Variants in DGKB observed in about 807,000 individuals in gnomAD.
DGKB encodes 90 kDa diacylglycerol kinase.
A neutral mutation model predicts 114.3 loss-of-function variants in DGKB; 67 were observed. That is an observed-to-expected ratio of 0.59 (90% CI 0.48 to 0.72). The LOEUF is 0.72. Ranked by LOEUF, DGKB falls within the 30% of genes least tolerant of loss-of-function variation. DGKB has a pLI of 0.00. For synonymous variants in DGKB, 398 were observed against 323.1 expected (o/e 1.23, Z -2.49); for missense variants, 907 against 975.2 (o/e 0.93, Z 0.93).
intron 6 of DGKB, among the ~76,000 whole-genome samples, chr7:14,710,435 A>G (rs1476319873): frequency 6.6e-6 from 1 of 152,144 alleles, no homozygotes; most frequent in African/African-American, 2.4e-5. Flanking sequence ...GTAGTCTATA[A>G]TAAACAATGA....
At chr7:14,573,937 T>C (rs1462526711) in intron 20 of DGKB, among the ~76,000 whole-genome samples, 4 of 152,128 alleles carry the variant, frequency 2.6e-5, no homozygotes, top group Non-Finnish European at 5.9e-5. Flanking sequence ...TTCATTTTAG[T>C]AACACAAATA....
intron 23 of DGKB, among the ~76,000 whole-genome samples, chr7:14,333,469 A>G (rs1810098243): frequency 6.6e-6 from 1 of 151,906 alleles, no homozygotes; most frequent in Non-Finnish European, 1.5e-5. Context: ...TTAAAAAAAA[A>G]AAAAAAAAAA....
At chr7:14,217,883 T>C (rs1789261783) in intron 23 of DGKB, among the ~76,000 whole-genome samples, 1 of 152,126 alleles carries the variant, frequency 6.6e-6, no homozygotes, top group African/African-American at 2.4e-5. Context: ...GAAGTCTAGA[T>C]GGTGTCCCTC....
intron 21 of DGKB, among the ~76,000 whole-genome samples, chr7:14,366,966 C>T (rs1816779645): frequency 6.6e-6 from 1 of 152,070 alleles, no homozygotes; most frequent in Admixed American, 6.6e-5. Context: ...CATGGCTCAA[C>T]TTGTGATTTT....
chr7:14,519,709 C>G (rs1789428642), intron 20 of DGKB, among the ~76,000 whole-genome samples: 1 of 151,898 alleles, frequency 6.6e-6, no homozygotes, highest in Non-Finnish European at 1.5e-5. Context: ...TACTCACCAA[C>G]ACTGGGTACT....
At chr7:14,150,562 G>C (rs1782039479) in intron 25 of DGKB, among the ~76,000 whole-genome samples, 1 of 152,056 alleles carries the variant, frequency 6.6e-6, no homozygotes, top group Admixed American at 6.6e-5. Context: ...GAAGGATTCA[G>C]TGTTCTCTTT....
chr7:14,285,295 C>G (rs559523102), intron 23 of DGKB, among the ~76,000 whole-genome samples: 2 of 152,140 alleles, frequency 1.3e-5, no homozygotes, highest in South Asian at 2.1e-4. Flanking sequence ...TGTGCAGAGG[C>G]AAGTCACTGA....
intron 21 of DGKB, among the ~76,000 whole-genome samples, chr7:14,429,845 A>G (rs759863558): frequency 4.6e-5 from 7 of 152,074 alleles, no homozygotes; most frequent in African/African-American, 1.7e-4. Context: ...TGCTTGAACC[A>G]GGACCCGGAA....
At chr7:14,177,001 A>G in intron 24 of DGKB, 102 bp from the exon 25 acceptor site, 1 of 1,336,760 alleles carries the variant, frequency 7.5e-7, no homozygotes, top group Non-Finnish European at 1.0e-6. Context: ...CAATATGGTA[A>G]TAGTTGGGCT....
intron 1 of DGKB, among the ~76,000 whole-genome samples, chr7:14,924,454 T>A (rs894495094): frequency 6.6e-6 from 1 of 152,218 alleles, no homozygotes; most frequent in Non-Finnish European, 1.5e-5. Flanking sequence ...AGATTTCCTC[T>A]GTGGTACTTT....
chr7:14,617,397 A>G (rs940528851), intron 15 of DGKB, among the ~76,000 whole-genome samples: 1 of 151,630 alleles, frequency 6.6e-6, no homozygotes, highest in African/African-American at 2.4e-5. Context: ...ATTCATCAGC[A>G]TATCTTTTGC....
intron 19 of DGKB, among the ~76,000 whole-genome samples, chr7:14,575,998 CTCA>C (rs1799065184): frequency 6.6e-6 from 1 of 152,140 alleles, no homozygotes; most frequent in Non-Finnish European, 1.5e-5. Context: ...TCTTCTGGAG[CTCA>C]TCATCACTTC....
chr7:14,407,392 C>T (rs1824113124), intron 21 of DGKB, among the ~76,000 whole-genome samples: 1 of 152,138 alleles, frequency 6.6e-6, no homozygotes, highest in Non-Finnish European at 1.5e-5. Context: ...TGACTATTTT[C>T]AGTTGATCTA....
At chr7:14,932,187 C>T (rs555879137) in intron 1 of DGKB, among the ~76,000 whole-genome samples, 1 of 152,268 alleles carries the variant, frequency 6.6e-6, no homozygotes, top group African/African-American at 2.4e-5. Context: ...GGAAGATGGG[C>T]TGCAGAAAGG....
intron 23 of DGKB, among the ~76,000 whole-genome samples, chr7:14,233,625 T>C (rs1298233789): frequency 6.6e-6 from 1 of 151,994 alleles, no homozygotes; most frequent in Non-Finnish European, 1.5e-5. Flanking sequence ...CTTCTATAAA[T>C]TGCCTAAAGA....
chr7:14,413,931 A>G (rs1003120523), intron 21 of DGKB, among the ~76,000 whole-genome samples: 10 of 152,206 alleles, frequency 6.6e-5, no homozygotes, highest in Admixed American at 2.0e-4. Flanking sequence ...GAGAGATTTG[A>G]GCACATTAAG....
chr7:14,695,154 T>C (rs1202389628), intron 8 of DGKB, among the ~76,000 whole-genome samples: 3 of 152,230 alleles, frequency 2.0e-5, no homozygotes, highest in African/African-American at 7.2e-5. Context: ...CTCTTGTGCT[T>C]GGTGTCTTCA....
At chr7:14,204,147 G>A (rs1786366329) in intron 23 of DGKB, among the ~76,000 whole-genome samples, 1 of 151,898 alleles carries the variant, frequency 6.6e-6, no homozygotes, top group Non-Finnish European at 1.5e-5. Context: ...CTCCATTAAT[G>A]TTTTTCAACA....
chr7:14,629,448 C>T (rs1024926617), intron 14 of DGKB, among the ~76,000 whole-genome samples: 2 of 151,788 alleles, frequency 1.3e-5, no homozygotes. Flanking sequence ...AGTTATGACA[C>T]TTTTTTACAA....
Sources: gnomAD v4.1 joint callset for allele counts (sites outside exome capture counted in the v4.1 genomes callset) on GRCh38, gnomAD v4.1.1 for gene constraint, MANE v1.5 for transcripts, NCBI Gene and HGNC (gene_info 2026-07-23, HGNC 2026-07-21) for gene names.